Variants in LMF1 observed in about 807,000 individuals in gnomAD.
LMF1 encodes the protein transmembrane protein 112.
LMF1 carries 68 observed loss-of-function variants against 60.6 expected under a neutral mutation model. The observed-to-expected ratio is 1.12, with a 90% confidence interval of 0.92 to 1.37. The LOEUF (loss-of-function observed/expected upper bound fraction) is 1.37, where lower values mean the gene tolerates loss of function less well. Among genes scored for constraint, LMF1 ranks in the 40% most tolerant of loss-of-function variants. The pLI, the probability that LMF1 is intolerant of heterozygous loss-of-function variation, is 0.00. For missense variants in LMF1, 948 were observed against 767.2 expected, an observed-to-expected ratio of 1.24 and a Z score of -2.78; for synonymous variants, 418 against 324.7, an observed-to-expected ratio of 1.29 and a Z score of -3.09.
intron 10 of LMF1, among the ~76,000 whole-genome samples, chr16:864,449 A>G (rs143540489): frequency 6.6e-6 from 1 of 152,292 alleles, no homozygotes; most frequent in East Asian, 1.9e-4. Flanking sequence ...AGTAAATGAC[A>G]TATTCAACAC....
intron 3 of LMF1, among the ~76,000 whole-genome samples, chr16:918,255 T>A (rs2071334218): frequency 1.3e-5 from 2 of 152,176 alleles, no homozygotes; most frequent in Admixed American, 1.3e-4. Flanking sequence ...CAGTGACCCC[T>A]GCGCCCGGCC....
chr16:957,862 G>C (rs2072740141), intron 1 of LMF1, among the ~76,000 whole-genome samples: 1 of 152,198 alleles, frequency 6.6e-6, no homozygotes. Context: ...GCAGCCTTGG[G>C]CCGGGCGTGG....
intron 2 of LMF1, 100 bp from the exon 3 acceptor site, chr16:934,354 C>A (rs571696079): frequency 1.4e-6 from 2 of 1,479,124 alleles, no homozygotes; most frequent in Non-Finnish European, 1.9e-6. Flanking sequence ...GCACCCAGCA[C>A]GGTGTGGGGT....
intron 6 of LMF1, among the ~76,000 whole-genome samples, chr16:877,578 G>A (rs1222164400): frequency 2.0e-5 from 3 of 152,068 alleles, no homozygotes; most frequent in Admixed American, 6.5e-5. Flanking sequence ...ATGGAGAAAC[G>A]CCACAACTCA....
At chr16:894,560 G>A (rs901804836) in intron 4 of LMF1, among the ~76,000 whole-genome samples, 5 of 152,178 alleles carry the variant, frequency 3.3e-5, no homozygotes, top group African/African-American at 9.7e-5. Flanking sequence ...GCGCAGGTGC[G>A]ACAAGGCGCA....
upstream of LMF1, chr16:981,300 G>C (rs1410916664): frequency 2.8e-6 from 1 of 357,496 alleles, no homozygotes; most frequent in African/African-American, 3.1e-5. Flanking sequence ...GTGTGTGTGT[G>C]TGTGAGAGAG....
intron 2 of LMF1, among the ~76,000 whole-genome samples, chr16:938,846 A>T (rs974419202): frequency 4.6e-5 from 7 of 152,236 alleles, no homozygotes. Context: ...TAAATATGTA[A>T]ATAGCCCTTA....
At chr16:871,100 G>A (rs1029155714) in intron 7 of LMF1, 61 bp downstream of exon 7, 132 of 1,481,420 alleles carry the variant, frequency 8.9e-5, no homozygotes, top group Non-Finnish European at 1.2e-4. Flanking sequence ...GCAGGCTGTG[G>A]GGCTGGCACC....
At chr16:929,904 C>A (rs1192516267) in intron 3 of LMF1, among the ~76,000 whole-genome samples, 1 of 151,744 alleles carries the variant, frequency 6.6e-6, no homozygotes, top group Non-Finnish European at 1.5e-5. Flanking sequence ...TGGTCGTGTA[C>A]GTGTGAACGG....
At chr16:888,195 A>G (rs1204153601) in intron 5 of LMF1, among the ~76,000 whole-genome samples, 1 of 152,066 alleles carries the variant, frequency 6.6e-6, no homozygotes, top group Non-Finnish European at 1.5e-5. Flanking sequence ...TCCTGCAGGC[A>G]GCAAGGGAAG....
At chr16:942,424 T>C (rs1029588601) in intron 2 of LMF1, among the ~76,000 whole-genome samples, 6 of 152,266 alleles carry the variant, frequency 3.9e-5, no homozygotes, top group Admixed American at 6.5e-5. Flanking sequence ...ATTTACACAT[T>C]TATATCATTC....
chr16:861,354 C>CTTTTTTTTTTTTTTTTTT (rs33941455), intron 10 of LMF1, among the ~76,000 whole-genome samples: 3 of 92,670 alleles, frequency 3.2e-5, no homozygotes, highest in Non-Finnish European at 4.2e-5. Flanking sequence ...AATTTTCTTT[C>CTTTTTTTTTTTTTTTTTT]TTTTTTTTTT....
At chr16:969,985 C>T (rs2073006877) in intron 1 of LMF1, among the ~76,000 whole-genome samples, 1 of 152,228 alleles carries the variant, frequency 6.6e-6, no homozygotes, top group Non-Finnish European at 1.5e-5. Flanking sequence ...GAGCTCTGCT[C>T]TGTAGGCTGC....
intron 3 of LMF1, among the ~76,000 whole-genome samples, chr16:921,550 C>G (rs1469929459): frequency 2.0e-5 from 3 of 152,252 alleles, no homozygotes; most frequent in Admixed American, 6.5e-5. Context: ...TATCTCTGTA[C>G]AAATGCGGGC....
At chr16:882,487 T>C (rs1216807978) in intron 5 of LMF1, among the ~76,000 whole-genome samples, 1 of 152,194 alleles carries the variant, frequency 6.6e-6, no homozygotes, top group East Asian at 1.9e-4. Context: ...CACCGGGAGA[T>C]GCACTAGGTT....
At chr16:954,085 T>A (rs546989144) in intron 2 of LMF1, among the ~76,000 whole-genome samples, 8 of 152,164 alleles carry the variant, frequency 5.3e-5, no homozygotes, top group Non-Finnish European at 1.2e-4. Flanking sequence ...TGCCTCCCTT[T>A]CCCCATCCCT....
chr16:926,398 G>A (rs2071604656), intron 3 of LMF1, among the ~76,000 whole-genome samples: 1 of 152,112 alleles, frequency 6.6e-6, no homozygotes, highest in South Asian at 2.1e-4. Context: ...TGTGTAGTTT[G>A]CGTATGATCT....
intron 6 of LMF1, among the ~76,000 whole-genome samples, chr16:875,025 A>AG (rs1270809843): frequency 2.6e-5 from 4 of 152,062 alleles, no homozygotes; most frequent in South Asian, 4.2e-4. Context: ...TTGTCTTCCA[A>AG]GGGGGGACGC....
At position 853,725 on chromosome 16, in the gene LMF1, T is replaced by G. The variant is rs2069109001; in HGVS notation, c.*807A>C. 2 of 454,118 alleles carry G rather than the reference T, an allele frequency of 4.4e-6. No individual in the cohort carries two copies. The highest frequency in any genetic ancestry group is 8.8e-6 in the Non-Finnish European group (2 of 226,786). 28.1% of individuals were successfully genotyped at this position (454,118 alleles called of 1,614,324 possible). On this transcript the variant is annotated 3_prime_UTR_variant, in exon 11 of 11. Transcript: ENST00000262301. ...GAATAGGAATAAGAAAAATGTGCAG[T>G]AGACGCTGTTTGTCCGACGATGATG...
Sources: gnomAD v4.1 joint callset for allele counts (sites outside exome capture counted in the v4.1 genomes callset) on GRCh38, gnomAD v4.1.1 for gene constraint, MANE v1.5 for transcripts, NCBI Gene and HGNC (gene_info 2026-07-23, HGNC 2026-07-21) for gene names.